Variants in UBE2H observed in about 807,000 individuals in gnomAD.
The protein encoded by UBE2H is ubiquitin conjugating enzyme E2 H.
In UBE2H, 3 loss-of-function variants were observed where a neutral mutation model predicts 29.0. That is an observed-to-expected ratio of 0.10 (90% CI 0.05 to 0.27). UBE2H has a LOEUF of 0.27. UBE2H is among the 10% of genes least tolerant of loss of function. The pLI is 1.00. For missense variants in UBE2H, 68 were observed against 228.2 expected, an observed-to-expected ratio of 0.30 and a Z score of 4.52; for synonymous variants, 69 against 82.9, an observed-to-expected ratio of 0.83 and a Z score of 0.91.
chr7:129,850,544 G>C (rs1342658884), intron 5 of UBE2H, among the ~76,000 whole-genome samples: 1 of 152,190 alleles, frequency 6.6e-6, no homozygotes, highest in Non-Finnish European at 1.5e-5. Flanking sequence ...CTGGCCTGGC[G>C]TGGTGGCACA....
At chr7:129,854,060 G>GGTTTTTTTTTTTTTTTTTTTTTTTTT (rs1554430936) in intron 5 of UBE2H, among the ~76,000 whole-genome samples, 2 of 100,310 alleles carry the variant, frequency 2.0e-5, no homozygotes, top group Non-Finnish European at 4.0e-5. Flanking sequence ...TTTAGTGTTA[G>GGTTTTTTTTTTTTTTTTTTTTTTTTT]TTTTTTTTTT....
chr7:129,908,318 T>C (rs1236286002), intron 1 of UBE2H, among the ~76,000 whole-genome samples: 1 of 152,232 alleles, frequency 6.6e-6, no homozygotes, highest in Non-Finnish European at 1.5e-5. Flanking sequence ...CTAGCTATTA[T>C]GTGGTTTGGG....
At chr7:129,927,075 T>C (rs1247022796) in intron 1 of UBE2H, among the ~76,000 whole-genome samples, 1 of 152,210 alleles carries the variant, frequency 6.6e-6, no homozygotes, top group Non-Finnish European at 1.5e-5. Flanking sequence ...TCCAAGGCCC[T>C]ATTCTCCTTT....
At chr7:129,921,886 A>G (rs541353610) in intron 1 of UBE2H, among the ~76,000 whole-genome samples, 136 of 152,278 alleles carry the variant, frequency 8.9e-4, no homozygotes, top group Non-Finnish European at 1.1e-3. Context: ...CACCATTTCA[A>G]TATTTCCTCT....
chr7:129,930,543 G>C (rs1170031332), intron 1 of UBE2H, among the ~76,000 whole-genome samples: 1 of 152,032 alleles, frequency 6.6e-6, no homozygotes, highest in Non-Finnish European at 1.5e-5. Context: ...GGCCAAGGCG[G>C]GTGGATCACG....
intron 3 of UBE2H, among the ~76,000 whole-genome samples, chr7:129,865,402 T>C (rs189310359): frequency 1.3e-5 from 2 of 152,156 alleles, no homozygotes. Context: ...TATTTTTCCA[T>C]CTTTGTTCCC....
intron 2 of UBE2H, among the ~76,000 whole-genome samples, chr7:129,880,250 T>C (rs1806227077): frequency 6.6e-6 from 1 of 152,196 alleles, no homozygotes. Context: ...CTCATGCCTG[T>C]AATCCCAGCA....
rs1362096524 is a variant in UBE2H at position 129,933,707 on chromosome 7, TC to T, written c.53+18795del. 1.6e-4 allele frequency among the ~76,000 whole-genome samples: 24 copies of T among 152,344 alleles called. No homozygotes were observed. The South Asian group carries it at 4.8e-3, about 30-fold the overall frequency. On this transcript the variant is annotated intron_variant, in intron 1 of 6. Transcript: ENST00000355621. Reference sequence around the variant, plus strand: ...AACACTTTCCTGCAAGATTTCCATATCGTTTCAATTGCAGGTGCCAAAGTTT... The same window carrying T: ...AACACTTTCCTGCAAGATTTCCATATGTTTCAATTGCAGGTGCCAAAGTTT...
chr7:129,943,491 T>C (rs1022022524), intron 1 of UBE2H, among the ~76,000 whole-genome samples: 1 of 152,204 alleles, frequency 6.6e-6, no homozygotes, highest in African/African-American at 2.4e-5. Context: ...TAGAAATCAA[T>C]GCTTTAGGCC....
chr7:129,859,561 T>A (rs1413799447), intron 3 of UBE2H, among the ~76,000 whole-genome samples: 1 of 152,194 alleles, frequency 6.6e-6, no homozygotes, highest in Admixed American at 6.5e-5. Context: ...AAAAAAATAC[T>A]CTAAGTTGGC....
chr7:129,882,382 T>G (rs1057391973), intron 1 of UBE2H, among the ~76,000 whole-genome samples: 2 of 152,214 alleles, frequency 1.3e-5, no homozygotes, highest in Non-Finnish European at 2.9e-5. Context: ...AACAGAAACA[T>G]TTAAAAAGTT....
At chr7:129,890,360 C>T (rs946219461) in intron 1 of UBE2H, among the ~76,000 whole-genome samples, 13 of 151,138 alleles carry the variant, frequency 8.6e-5, no homozygotes, top group South Asian at 2.1e-4. Context: ...TATATATACA[C>T]ATATATATAC....
At chr7:129,914,996 GTGTC>G (rs1807016010) in intron 1 of UBE2H, among the ~76,000 whole-genome samples, 1 of 152,168 alleles carries the variant, frequency 6.6e-6, no homozygotes, top group African/African-American at 2.4e-5. Context: ...TATGATTAAT[GTGTC>G]TGGCACACAG....
intron 5 of UBE2H, among the ~76,000 whole-genome samples, chr7:129,856,254 C>A (rs781157424): frequency 1.2e-4 from 18 of 152,130 alleles, no homozygotes; most frequent in Non-Finnish European, 2.2e-4. Context: ...ACTAAAAGGT[C>A]GTACAAGTTC....
intron 3 of UBE2H, among the ~76,000 whole-genome samples, chr7:129,873,621 A>T (rs1348291212): frequency 6.7e-6 from 1 of 150,202 alleles, no homozygotes; most frequent in East Asian, 2.0e-4. Flanking sequence ...TTTTTTTTTT[A>T]GAGATGGGGT....
chr7:129,850,728 C>T (rs1342955933), intron 5 of UBE2H, among the ~76,000 whole-genome samples: 1 of 151,708 alleles, frequency 6.6e-6, no homozygotes. Context: ...GGCAGGAGAA[C>T]TGCTTGAACC....
At chr7:129,863,249 C>G (rs1041994023) in intron 3 of UBE2H, among the ~76,000 whole-genome samples, 1 of 152,176 alleles carries the variant, frequency 6.6e-6, no homozygotes, top group Non-Finnish European at 1.5e-5. Context: ...TGGTTTGGAG[C>G]TCAGTCTCCA....
At chr7:129,869,649 A>G (rs902330324) in intron 3 of UBE2H, among the ~76,000 whole-genome samples, 1 of 152,140 alleles carries the variant, frequency 6.6e-6, no homozygotes, top group Admixed American at 6.5e-5. Context: ...ACTTGAGGGT[A>G]CCAGTAGGTA....
At chr7:129,947,915 TA>T (rs1478849459) in intron 1 of UBE2H, among the ~76,000 whole-genome samples, 3 of 152,086 alleles carry the variant, frequency 2.0e-5, no homozygotes, top group Non-Finnish European at 4.4e-5. Context: ...TGCAATGGTG[TA>T]ATTTAGGCTC....
Sources: allele counts gnomAD v4.1 joint callset (sites outside exome capture counted in the v4.1 genomes callset), GRCh38; gene constraint gnomAD v4.1.1; transcripts MANE v1.5; gene names NCBI Gene and HGNC (gene_info 2026-07-23, HGNC 2026-07-21).